The following LGI3 variants were observed in gnomAD, a reference collection of about 807,000 sequenced individuals.
The protein encoded by LGI3 is leucine rich repeat LGI family member 3, also known as leucine-rich repeat LGI family member 3.
In LGI3, 47 loss-of-function variants were observed where a neutral mutation model predicts 55.4. The observed-to-expected ratio is 0.85, with a 90% CI of 0.67 to 1.08. LGI3 has a LOEUF of 1.08. LGI3 is among the 50% of genes least tolerant of loss of function. The pLI is 0.00. For synonymous variants in LGI3, 326 were observed against 315.0 expected, an observed-to-expected ratio of 1.04 and a Z score of -0.37; for missense variants, 664 against 726.3, an observed-to-expected ratio of 0.91 and a Z score of 0.99.
rs1395987238 is a variant in LGI3 at position 22,151,617 on chromosome 8, A to T, written c.701T>A (p.Val234Glu). Residue 234 changes from valine to glutamate, a missense_variant, in exon 7 of 8, where the codon GTG becomes GAG. Val to Glu is a moderately radical substitution (Grantham distance 121). Transcript: ENST00000306317. ...VLYQTLAFPA[V>E]SAEPFLYSSD... ...GGAGTAGAGGAAGGGCTCAGCCGAC[A>T]CTGCTGGGAAGGCCAGGGTCTGGTA... The T allele has an allele frequency of 4.3e-6, 7 of 1,614,134 alleles. No individual in the cohort carries two copies. In the African/African-American group the frequency reaches 5.3e-5, roughly 12 times the overall value.
At chr8:22,154,949 C>G (rs1402239515) in intron 2 of LGI3, 5 of 446,360 alleles carry the variant, frequency 1.1e-5, no homozygotes, top group African/African-American at 9.9e-5. Flanking sequence ...TCCAGCCCCT[C>G]ATGGACAACT....
At chr8:22,150,559 C>T (rs1016349628) in intron 7 of LGI3, among the ~76,000 whole-genome samples, 2 of 151,918 alleles carry the variant, frequency 1.3e-5, no homozygotes, top group African/African-American at 4.8e-5. Context: ...AGGGTTTCAC[C>T]GTGTTAGCCA....
chr8:22,156,523 C>CA lies in LGI3; in HGVS notation c.19_20insT (p.Arg7MetfsTer25). ...CAGCAGCCCCGGCCCCGGGCCCCCC[C>CA]TGGCCCGCAGCCCCGCCATGCTGCC... On this transcript the variant is annotated frameshift_variant, in exon 1 of 8. Transcript: ENST00000306317. LOFTEE classifies it high-confidence loss of function. The CA allele has an allele frequency of 7.4e-7, 1 of 1,355,830 alleles. No individual in the cohort carries two copies. The highest frequency in any genetic ancestry group is 9.5e-7 in the Non-Finnish European group (1 of 1,051,568). 84.0% of individuals were successfully genotyped at this position (1,355,830 alleles called of 1,614,324 possible).
chr8:22,153,727 C>A (rs73225822), intron 5 of LGI3, among the ~76,000 whole-genome samples: 226 of 97,194 alleles, frequency 2.3e-3, no homozygotes, highest in African/African-American at 8.9e-3. Context: ...AAAAAAAAAA[C>A]ACACACACAC....
rs770763168 is a variant in LGI3 at position 22,154,225 on chromosome 8, G to C, written c.351-12C>G. The C allele has an allele frequency of 1.2e-6, 2 of 1,612,502 alleles. No individual in the cohort carries two copies. Among genetic ancestry groups the C allele is most frequent in the Non-Finnish European group, 1.7e-6 (2 of 1,178,880 alleles). On this transcript the variant is annotated splice_polypyrimidine_tract_variant and intron_variant, in intron 3 of 7. Coordinates refer to ENST00000306317, the MANE Select transcript of LGI3 (RefSeq NM_139278.4). ...TGTTCTCAATGAAGCTGGGGAAAGC[G>C]GGAACTTGCCTCAGTGCTCACACAG...
intron 5 of LGI3, 141 bp downstream of exon 5, chr8:22,153,827 C>T (rs1041860900): frequency 6.4e-6 from 5 of 783,612 alleles, no homozygotes; most frequent in Non-Finnish European, 1.1e-5. Context: ...ACTCCACCTC[C>T]TCACCTCCTC....
chr8:22,152,022 G>T (rs540304763), intron 5 of LGI3, 22 bp from the exon 6 acceptor site: 22 of 1,561,874 alleles, frequency 1.4e-5, no homozygotes, highest in Admixed American at 9.0e-5. Context: ...GGGCAGAGGA[G>T]GGGGGCACAG....
chr8:22,152,620 T>C (rs988746878), intron 5 of LGI3, among the ~76,000 whole-genome samples: 18 of 151,170 alleles, frequency 1.2e-4, no homozygotes, highest in African/African-American at 4.4e-4. Flanking sequence ...CGCACACCTG[T>C]GGTCCCAGCA....
intron 2 of LGI3, chr8:22,154,906 C>T (rs1259611878): frequency 1.0e-5 from 5 of 501,836 alleles, no homozygotes; most frequent in Non-Finnish European, 7.2e-6. Flanking sequence ...GTGGCATCTC[C>T]TCTCCCTCTC....
intron 5 of LGI3, among the ~76,000 whole-genome samples, chr8:22,152,992 G>T (rs112599413): frequency 8.6e-5 from 13 of 150,446 alleles, no homozygotes; most frequent in Non-Finnish European, 1.6e-4. Context: ...AGAGGTTGCC[G>T]CGACCTGAGA....
rs1827333666 is a variant in LGI3 at position 22,148,392 on chromosome 8, G to A, written c.1415C>T (p.Pro472Leu). 1 of 1,613,238 alleles carries A rather than the reference G, an allele frequency of 6.2e-7. No homozygotes were observed. The highest frequency in any genetic ancestry group is 8.5e-7 in the Non-Finnish European group (1 of 1,179,878). ...GTAGCGGCGGCCACCCACAAGGAAGGGCTGCAGGGCCAGCGAGCCCCGGGA... is the reference window on the plus strand; with the variant it reads ...GTAGCGGCGGCCACCCACAAGGAAGAGCTGCAGGGCCAGCGAGCCCCGGGA... ...LPSRGSLALQPFLVGGRRYLA... is the reference protein window; with the variant it reads ...LPSRGSLALQLFLVGGRRYLA... Residue 472 changes from proline (P) to leucine (L), a missense_variant, in exon 8 of 8, where the codon CCC (proline) becomes CTC (leucine). Pro to Leu is a moderately conservative substitution (Grantham distance 98). Transcript: ENST00000306317. This position sits in a 1 kb window ranked among gnomAD's most constrained non-coding sequence, Gnocchi z 7.0.
At chr8:22,153,835 C>G (rs2131796396) in intron 5 of LGI3, 133 bp downstream of exon 5, 1 of 877,742 alleles carries the variant, frequency 1.1e-6, no homozygotes, top group East Asian at 2.4e-5. Context: ...TCCTCACCTC[C>G]TCAGGGTCCC....
rs35142808 is a variant in LGI3 at position 22,151,540 on chromosome 8, G to A, written c.778C>T (p.Leu260=). The A allele has an allele frequency of 7.7e-3, 12,499 of 1,614,100 alleles. 563 individuals carry two copies. In the African/African-American group the frequency reaches 0.11, roughly 15 times the overall value. The change falls in exon 7 of 8, where the codon CTG becomes TTG. Residue 260 remains leucine (L), a synonymous_variant. Transcript: ENST00000306317. ...TGCCGCTCAACATAGTCCCACTTCA[G>A]GATGGTGCAGGCACTGACTCCTGGC... is the stretch of plus-strand genomic sequence containing the variant. ...AQPGVSACTI[L]KWDYVERQLR...
intron 2 of LGI3, 169 bp from the exon 3 acceptor site, chr8:22,154,800 C>T: frequency 1.7e-6 from 1 of 600,574 alleles, no homozygotes; most frequent in East Asian, 2.8e-5. Context: ...CAGGCAGGAG[C>T]CTGTTCTGGC....
chr8:22,148,449 C>A lies in LGI3; in HGVS notation c.1358G>T (p.Gly453Val), dbSNP rs756583723. 3.1e-6 allele frequency: 5 copies of A among 1,612,084 alleles called. No homozygotes were observed. Among genetic ancestry groups the A allele is most frequent in the South Asian group, 2.2e-5 (2 of 91,056 alleles). ...GGCCTGCACCTCCGAGAAGCGGGTA[C>A]CCTCCCAGCGCAGGATCTTGGAGTC... The part of the protein sequence containing the change: ...IGDSKILRWE[G>V]TRFSEVQALP... The change falls in exon 8 of 8, where the codon GGT becomes GTT. Residue 453 changes from glycine to valine, a missense_variant. Physicochemically the swap from Gly to Val is moderately radical, Grantham distance 109. Transcript: ENST00000306317. The surrounding 1 kb of genome is among the most constrained non-coding windows in gnomAD (Gnocchi z 7.0).
chr8:22,153,979 G>T lies in LGI3; in HGVS notation c.483C>A (p.Ile161=). ...LPRDIFRPLD[I]LNDLDLRGNS... ...GACTCAGGCCTTACAAGTCATTCAG[G>T]ATGTCCAGGGGCCGGAAGATGTCTC... Residue 161 remains isoleucine, a synonymous_variant, in exon 5 of 8, where the codon ATC becomes ATA. Coordinates refer to ENST00000306317, the MANE Select transcript of LGI3 (RefSeq NM_139278.4). 6.8e-6 allele frequency: 11 copies of T among 1,614,042 alleles called. No individual in the cohort carries two copies. Among genetic ancestry groups the T allele is most frequent in the Non-Finnish European group, 9.3e-6 (11 of 1,180,024 alleles).
At chr8:22,156,005 G>T (rs1234620360) in intron 1 of LGI3, among the ~76,000 whole-genome samples, 4 of 152,250 alleles carry the variant, frequency 2.6e-5, no homozygotes, top group African/African-American at 7.2e-5. Flanking sequence ...CCTGCCCTTG[G>T]TGTGACATCA....
At chr8:22,149,192 C>CAT (rs1313807937) in intron 7 of LGI3, among the ~76,000 whole-genome samples, 1 of 152,244 alleles carries the variant, frequency 6.6e-6, no homozygotes, top group African/African-American at 2.4e-5. Context: ...TTGTTCCACC[C>CAT]ATAACCCTAG....
intron 5 of LGI3, among the ~76,000 whole-genome samples, 178 bp downstream of exon 5, chr8:22,153,790 A>G (rs576504236): frequency 2.6e-5 from 4 of 151,484 alleles, no homozygotes; most frequent in Admixed American, 2.6e-4. Flanking sequence ...GAGAAACTCC[A>G]ATTTGGAAGG....
Sources: allele counts gnomAD v4.1 joint callset (sites outside exome capture counted in the v4.1 genomes callset), GRCh38; gene constraint gnomAD v4.1.1; non-coding constraint Gnocchi (gnomAD v3.1); transcripts MANE v1.5; gene names NCBI Gene and HGNC (gene_info 2026-07-23, HGNC 2026-07-21).